Variants in CEMIP observed in about 807,000 individuals in gnomAD.
CEMIP encodes the protein cell migration-inducing and hyaluronan-binding protein.
CEMIP carries 105 observed loss-of-function variants against 156.9 expected under a neutral mutation model. That is an observed-to-expected ratio of 0.67 (90% CI 0.57 to 0.79). The LOEUF is 0.79. Among genes scored for constraint, CEMIP ranks in the 30% least tolerant of loss-of-function variants. The probability of loss-of-function intolerance (pLI) is 0.00; values close to 1 mark genes in which losing one functional copy is unlikely to be tolerated. For missense variants in CEMIP, 1,457 were observed against 1,769.4 expected (o/e 0.82, Z 3.17); for synonymous variants, 676 against 668.4 (o/e 1.01, Z -0.17).
chr15:80,881,042 GA>G lies in CEMIP; in HGVS notation c.525del (p.Gly176GlufsTer48). 1 of 1,614,234 alleles carries G rather than the reference GA, an allele frequency of 6.2e-7. No individual in the cohort carries two copies. The highest frequency in any genetic ancestry group is 8.5e-7 in the Non-Finnish European group (1 of 1,180,032). ...GACCCTTCACCCAGGTGGCATGGCA[GA>G]AGGAGGCTATTTTTTTGAAAGGAGC... ...NKTLHPGGMA[E>X]GGYFFERSWG... On this transcript the variant is annotated frameshift_variant, in exon 6 of 30. Coordinates refer to ENST00000394685, the MANE Select transcript of CEMIP (RefSeq NM_001293298.2). LOFTEE classifies it high-confidence loss of function.
At chr15:80,928,880 A>G (rs768639120) in intron 19 of CEMIP, 22 bp from the exon 20 acceptor site, 2 of 1,613,290 alleles carry the variant, frequency 1.2e-6, no homozygotes, top group Non-Finnish European at 1.7e-6. Flanking sequence ...TGCTCTGACT[A>G]TCTATCTGCT....
intron 8 of CEMIP, among the ~76,000 whole-genome samples, chr15:80,888,429 AAGG>A (rs1207645070): frequency 6.6e-6 from 1 of 152,172 alleles, no homozygotes; most frequent in Non-Finnish European, 1.5e-5. Context: ...TTCTAATGCC[AAGG>A]AGGAATTCAG....
chr15:80,938,996 A>C (rs575933750), intron 25 of CEMIP, among the ~76,000 whole-genome samples: 1 of 152,350 alleles, frequency 6.6e-6, no homozygotes, highest in Non-Finnish European at 1.5e-5. Flanking sequence ...GAAAATTAAA[A>C]TTTAGAATCA....
Position 80,922,091 on chromosome 15 carries a change from T to A in CEMIP, c.2156T>A (p.Ile719Asn). The change falls in exon 17 of 30, where the codon ATT (isoleucine) becomes AAT (asparagine). Residue 719 changes from isoleucine (I) to asparagine (N), a missense_variant. By Grantham distance (149) the Ile-to-Asn change is moderately radical. Coordinates refer to ENST00000394685, the MANE Select transcript of CEMIP (RefSeq NM_001293298.2). ...GMYSPGYSEH[I>N]PLGKFYNNRA... ...TACTCCCCAGGTTATTCAGAGCACA[T>A]TCCACTGGGAAAATTCTATAACAAC... is the stretch of plus-strand genomic sequence containing the variant. The A allele has an allele frequency of 6.2e-7, 1 of 1,614,232 alleles. No homozygotes were observed. The highest frequency in any genetic ancestry group is 8.5e-7 in the Non-Finnish European group (1 of 1,180,008).
chr15:80,894,702 A>C (rs1475188038), intron 10 of CEMIP, among the ~76,000 whole-genome samples: 1 of 152,190 alleles, frequency 6.6e-6, no homozygotes, highest in Non-Finnish European at 1.5e-5. Context: ...CTTATTGTAA[A>C]TGCTCCGTAA....
At position 80,803,420 on chromosome 15, in the gene CEMIP, C is replaced by T. The variant is rs576571110; in HGVS notation, c.-176+23806C>T. The stretch of plus-strand genomic sequence containing the variant: ...TTCAATTTTGACCCAAAGTTCTAGG[C>T]ACTGGATTAAGAAATGCCAAACCCA... On this transcript the variant is annotated intron_variant, in intron 1 of 29. Coordinates refer to ENST00000394685, the MANE Select transcript of CEMIP (RefSeq NM_001293298.2). Among the ~76,000 whole-genome samples the T allele has an allele frequency of 9.9e-5, 15 of 151,946 alleles. No individual in the cohort carries two copies. In the South Asian group the frequency reaches 1.7e-3, roughly 17 times the overall value.
chr15:80,941,493 G>GTCACT (rs770594873), intron 25 of CEMIP, among the ~76,000 whole-genome samples: 8 of 152,248 alleles, frequency 5.3e-5, no homozygotes, highest in South Asian at 4.1e-4. Flanking sequence ...TCCTGGGCGA[G>GTCACT]TCACTTCACT....
chr15:80,922,686 C>T (rs11072961), intron 17 of CEMIP, among the ~76,000 whole-genome samples: 16,973 of 152,222 alleles, frequency 0.11, 1,372 homozygotes, highest in East Asian at 0.32. Flanking sequence ...TCTTCATTTG[C>T]TCATCAACAT....
chr15:80,878,625 G>T, intron 3 of CEMIP, 96 bp from the exon 4 acceptor site: 2 of 1,508,162 alleles, frequency 1.3e-6, no homozygotes, highest in Non-Finnish European at 9.1e-7. Context: ...GGAGGTAGGG[G>T]CCTTAAAGAT....
intron 6 of CEMIP, 91 bp from the exon 7 acceptor site, chr15:80,884,084 T>C (rs1242372120): frequency 3.2e-6 from 4 of 1,233,288 alleles, no homozygotes; most frequent in Non-Finnish European, 4.8e-6. Flanking sequence ...TCGGATAGCA[T>C]GTTAGCTGTC....
rs1306780967 is a variant in CEMIP, at chr15:80,848,922, A to ACACACC, written c.-175-24614_-175-24609dup. The stretch of plus-strand genomic sequence containing the variant: ...CGTGCACACACACACACACACACAC[A>ACACACC]CACACCCTGGCTTCAGGGATCTCTT... On this transcript the variant is annotated intron_variant, in intron 1 of 29. Coordinates refer to ENST00000394685, the MANE Select transcript of CEMIP (RefSeq NM_001293298.2). Among the ~76,000 whole-genome samples, 3 of 145,820 alleles carry ACACACC rather than the reference A, an allele frequency of 2.1e-5. No individual in the cohort carries two copies. In the East Asian group the frequency reaches 6.4e-4, roughly 31 times the overall value.
At chr15:80,946,301 G>T (rs1376777367) in intron 28 of CEMIP, 2 of 152,972 alleles carry the variant, frequency 1.3e-5, no homozygotes, top group Non-Finnish European at 2.9e-5. Context: ...CTAGCATGGG[G>T]CTTCTCGAGC....
chr15:80,818,100 G>A (rs1374893331), intron 1 of CEMIP, among the ~76,000 whole-genome samples: 1 of 152,170 alleles, frequency 6.6e-6, no homozygotes, highest in Non-Finnish European at 1.5e-5. Context: ...AATGCTGCAG[G>A]AACAAACAAT....
intron 1 of CEMIP, among the ~76,000 whole-genome samples, chr15:80,831,545 A>C (rs139540115): frequency 6.2e-4 from 94 of 152,266 alleles, no homozygotes; most frequent in African/African-American, 2.1e-3. Flanking sequence ...TGGGCTAATC[A>C]TGCTACTTTC....
chr15:80,841,910 T>G lies in CEMIP; in HGVS notation c.-175-31628T>G, dbSNP rs1897429934. On this transcript the variant is annotated intron_variant, in intron 1 of 29. Coordinates refer to ENST00000394685, the MANE Select transcript of CEMIP (RefSeq NM_001293298.2). ...ATTTCCTGCAACTCTGTTCCTCATC[T>G]GTAAATGGTGATACTAATTCCTGGC... 8.0e-6 allele frequency: 2 copies of G among 248,644 alleles called. 1 individual carries two copies. The highest frequency in any genetic ancestry group is 1.7e-5 in the Non-Finnish European group (2 of 115,506). The allele number at this position is 248,644 out of a possible 1,614,324, so 15.4% of individuals were successfully genotyped here.
rs113895825 is a variant in CEMIP, at chr15:80,932,179, C to G, written c.2793+140C>G. ...TCCTCCAACTAGGCTGGGCCATGTC[C>G]CAGTTTGCTCTTCATCCAAACTGGA... On this transcript the variant is annotated intron_variant, in intron 22 of 29. Coordinates refer to ENST00000394685, the MANE Select transcript of CEMIP (RefSeq NM_001293298.2). This position sits in a 1 kb window ranked among gnomAD's most constrained non-coding sequence, Gnocchi z 4.5. The G allele has an allele frequency of 3.1e-6, 3 of 981,838 alleles. No homozygotes were observed. The highest frequency in any genetic ancestry group is 3.2e-5 in the African/African-American group (2 of 62,584). The allele number at this position is 981,838 out of a possible 1,614,324, so 60.8% of individuals were successfully genotyped here.
chr15:80,910,726 GCT>G (rs1180958450), intron 14 of CEMIP, among the ~76,000 whole-genome samples: 1 of 152,182 alleles, frequency 6.6e-6, no homozygotes, highest in Non-Finnish European at 1.5e-5. Context: ...TCAGTTTCCT[GCT>G]CAGTCAAGTG....
chr15:80,881,118 C>T lies in CEMIP; in HGVS notation c.599C>T (p.Thr200Ile). 1.2e-6 allele frequency: 2 copies of T among 1,614,092 alleles called. No individual in the cohort carries two copies. Among genetic ancestry groups the T allele is most frequent in the Non-Finnish European group, 1.7e-6 (2 of 1,179,904 alleles). The change falls in exon 6 of 30, where the codon ACA becomes ATA. Residue 200 changes from threonine to isoleucine, a missense_variant. By Grantham distance (89) the Thr-to-Ile change is moderately conservative (BLOSUM62 -1). Transcript: ENST00000394685. ...IVHVIDPKSGTVIHSDRFDTY... is the reference protein window; with the variant it reads ...IVHVIDPKSGIVIHSDRFDTY... ...CATGTCATCGACCCCAAATCAGGCA[C>T]AGTCATCCATTCTGACCGGTAAGGT...
intron 1 of CEMIP, among the ~76,000 whole-genome samples, chr15:80,839,453 A>G (rs1169204708): frequency 1.3e-5 from 2 of 152,086 alleles, no homozygotes; most frequent in East Asian, 3.9e-4. Context: ...GTCAAGTGCA[A>G]AGTCCTGGGC....
Sources: gnomAD v4.1 joint callset for allele counts (sites outside exome capture counted in the v4.1 genomes callset) on GRCh38, gnomAD v4.1.1 for gene constraint, Gnocchi (gnomAD v3.1) non-coding constraint, MANE v1.5 for transcripts, NCBI Gene and HGNC (gene_info 2026-07-23, HGNC 2026-07-21) for gene names.